Variants in RTKN observed in about 807,000 individuals in gnomAD.
The protein encoded by RTKN is rhotekin.
A neutral mutation model predicts 63.5 loss-of-function variants in RTKN; 49 were observed. The ratio of observed to expected loss-of-function variants is 0.77; its 90% CI spans 0.61 to 0.98. RTKN has a LOEUF of 0.98. Ranked by LOEUF, RTKN falls within the 50% of genes least tolerant of loss-of-function variation. RTKN has a pLI of 0.00. For missense variants in RTKN, 685 were observed against 740.8 expected, an observed-to-expected ratio of 0.92 and a Z score of 0.87; for synonymous variants, 295 against 290.4, an observed-to-expected ratio of 1.02 and a Z score of -0.16.
chr2:74,438,921 T>A (rs533232572), intron 1 of RTKN, among the ~76,000 whole-genome samples: 1 of 152,368 alleles, frequency 6.6e-6, no homozygotes, highest in East Asian at 1.9e-4. Context: ...AACTTTCTTG[T>A]CTTATTCACT....
At chr2:74,429,785 G>A (rs1471486454) in intron 6 of RTKN, 43 bp downstream of exon 6, 1 of 1,573,688 alleles carries the variant, frequency 6.4e-7, no homozygotes, top group Non-Finnish European at 8.7e-7. Context: ...CCTGTGGGCA[G>A]AATACAGGCA....
chr2:74,428,829 C>T lies in RTKN; in HGVS notation c.850+19G>A. The T allele has an allele frequency of 6.2e-7, 1 of 1,606,176 alleles. No homozygotes were observed. Among genetic ancestry groups the T allele is most frequent in the Non-Finnish European group, 8.5e-7 (1 of 1,172,932 alleles). On this transcript the variant is annotated intron_variant, in intron 7 of 11. Transcript: ENST00000272430. ...CTCACCATCACATGTGTATGTCCCC[C>T]ATGCACACACATACTTACCATGACT... is the stretch of plus-strand genomic sequence containing the variant.
intron 1 of RTKN, among the ~76,000 whole-genome samples, chr2:74,438,095 A>C (rs1671154690): frequency 1.3e-5 from 2 of 152,118 alleles, no homozygotes; most frequent in African/African-American, 4.8e-5. Flanking sequence ...ATATCCTGCC[A>C]TTCCTGATCT....
Position 74,426,534 on chromosome 2 carries a change from G to T in RTKN, c.1401C>A (p.Ile467=), listed in dbSNP as rs75008208. 4.9e-3 allele frequency: 7,636 copies of T among 1,547,190 alleles called. 30 individuals carry two copies. Among genetic ancestry groups the T allele is most frequent in the Non-Finnish European group, 6.1e-3 (6,986 of 1,144,758 alleles). Residue 467 remains isoleucine, a synonymous_variant, in exon 12 of 12, where the codon ATC becomes ATA. Coordinates refer to ENST00000272430, the MANE Select transcript of RTKN (RefSeq NM_001015055.2). The part of the protein sequence containing the change: ...PLDDIAAVTD[I]LTQREGARLE... Reference sequence around the variant, plus strand: ...GCCTTGCGCCCTCCCGCTGGGTCAGGATGTCTGTCACCGCTGCGATGTCAT... The same window carrying T: ...GCCTTGCGCCCTCCCGCTGGGTCAGTATGTCTGTCACCGCTGCGATGTCAT...
Position 74,441,694 on chromosome 2 carries a change from C to G in RTKN, c.111+12G>C. The G allele has an allele frequency of 6.3e-7, 1 of 1,597,296 alleles. No homozygotes were observed. Among genetic ancestry groups the G allele is most frequent in the Non-Finnish European group, 8.5e-7 (1 of 1,170,160 alleles). On this transcript the variant is annotated intron_variant, in intron 1 of 11. Transcript: ENST00000272430. The stretch of plus-strand genomic sequence containing the variant: ...GCCGCGGAAGGGGAAGGCAGGGACG[C>G]GAGTCTCTCACCTCGGGCAGGTCGC...
intron 2 of RTKN, 175 bp downstream of exon 2, chr2:74,432,292 G>A (rs370995651): frequency 2.0e-5 from 15 of 736,494 alleles, no homozygotes; most frequent in Non-Finnish European, 3.2e-5. Flanking sequence ...TCACAAATGC[G>A]CCTCTGGGCA....
At chr2:74,429,714 T>C in intron 6 of RTKN, 114 bp downstream of exon 6, 1 of 1,007,102 alleles carries the variant, frequency 9.9e-7, no homozygotes, top group East Asian at 2.6e-5. Flanking sequence ...TTCATATCTG[T>C]CTGCACATCC....
intron 1 of RTKN, among the ~76,000 whole-genome samples, chr2:74,435,409 G>A (rs1249686785): frequency 1.3e-5 from 2 of 152,188 alleles, no homozygotes; most frequent in African/African-American, 4.8e-5. Flanking sequence ...TAATGGCAGG[G>A]ATGCTTATTT....
chr2:74,430,099 T>C, intron 5 of RTKN, 62 bp from the exon 6 acceptor site: 1 of 1,586,858 alleles, frequency 6.3e-7, no homozygotes, highest in Non-Finnish European at 8.6e-7. Flanking sequence ...GGGTAGGGGA[T>C]GTGGGTGAGG....
Position 74,427,239 on chromosome 2 carries a change from T to A in RTKN, c.1290A>T (p.Lys430Asn). 1.2e-6 allele frequency: 2 copies of A among 1,614,168 alleles called. No individual in the cohort carries two copies. Among genetic ancestry groups the A allele is most frequent in the Non-Finnish European group, 1.7e-6 (2 of 1,180,022 alleles). The stretch of plus-strand genomic sequence containing the variant: ...GTTTCCGGGGAGCAGGAGTTTCAAT[T>A]TTCATGATTTCATCACAGCACTGCT... ...QWKQCCDEIM[K>N]IETPAPRKPP... Residue 430 changes from lysine to asparagine, a missense_variant, in exon 11 of 12, where the codon AAA becomes AAT. By Grantham distance (94) the Lys-to-Asn change is moderately conservative. Transcript: ENST00000272430.
intron 6 of RTKN, 66 bp downstream of exon 6, chr2:74,429,762 A>T: frequency 6.8e-7 from 1 of 1,463,634 alleles, no homozygotes; most frequent in Non-Finnish European, 9.5e-7. Context: ...CACTCAACAC[A>T]GTTCAAAGGT....
rs781348240 is a variant in RTKN at position 74,428,702 on chromosome 2, C to A, written c.886G>T (p.Val296Leu). ...GGCTGAGCTGCCAGACGGCAACACA[C>A]GCTACCATAAAGGGGCAGCCAGGCA... ...NPAWLPLYGS[V>L]CCRLAAQPLC... is the part of the protein sequence containing the mutation. Residue 296 changes from valine (V) to leucine (L), a missense_variant, in exon 8 of 12, where the codon GTG becomes TTG. By Grantham distance (32) the Val-to-Leu change is conservative. Transcript: ENST00000272430. 2 of 1,613,992 alleles carry A rather than the reference C, an allele frequency of 1.2e-6. No homozygotes were observed. The highest frequency in any genetic ancestry group is 1.7e-6 in the Non-Finnish European group (2 of 1,179,958).
At chr2:74,430,168 A>T in intron 5 of RTKN, 84 bp downstream of exon 5, 1 of 1,526,444 alleles carries the variant, frequency 6.6e-7, no homozygotes, top group Non-Finnish European at 9.1e-7. Flanking sequence ...CCCTGCCCCC[A>T]TCCCAGCTTC....
Position 74,427,284 on chromosome 2 carries a change from A to G in RTKN, c.1256-11T>C, listed in dbSNP as rs200885542. On this transcript the variant is annotated splice_polypyrimidine_tract_variant and intron_variant, in intron 10 of 11. Transcript: ENST00000272430. ...ACTGCTTCCATTGGCCTGGAAGAAG[A>G]GCGCTGATTAAAAGAGAGAGCCAGG... 1.4e-5 allele frequency: 23 copies of G among 1,613,438 alleles called. No homozygotes were observed. In the East Asian group the frequency reaches 4.2e-4, roughly 30 times the overall value.
In RTKN at chr2:74,428,400, C is replaced by G. The variant is rs781511390; in HGVS notation, c.958-4G>C. ...AGTTCTGCATCTCCCCAGCTTGCTG[C>G]ACAAATGACTCAACATTTTCTGGGG... On this transcript the variant is annotated splice_polypyrimidine_tract_variant and splice_region_variant and intron_variant, in intron 8 of 11. Coordinates refer to ENST00000272430, the MANE Select transcript of RTKN (RefSeq NM_001015055.2). 1 of 1,614,050 alleles carries G rather than the reference C, an allele frequency of 6.2e-7. No individual in the cohort carries two copies. The highest frequency in any genetic ancestry group is 1.3e-5 in the African/African-American group (1 of 74,894).
chr2:74,430,620 G>T lies in RTKN; in HGVS notation c.369C>A (p.Ile123=). Residue 123 remains isoleucine, a synonymous_variant, in exon 3 of 12, where the codon ATC becomes ATA. Transcript: ENST00000272430. ...TGGGGTAGCTGTGCTTCTTACCAGA[G>T]ATGCAGACCCGGCCGCGGCAGGGGG... is the stretch of plus-strand genomic sequence containing the variant. ...ERSPCRGRVC[I]SDLRIPLMWK... 1 of 1,614,086 alleles carries T rather than the reference G, an allele frequency of 6.2e-7. No homozygotes were observed. Among genetic ancestry groups the T allele is most frequent in the Non-Finnish European group, 8.5e-7 (1 of 1,180,010 alleles).
chr2:74,426,808 G>T (rs1670421704), intron 11 of RTKN: 2 of 1,351,876 alleles, frequency 1.5e-6, no homozygotes, highest in African/African-American at 3.0e-5. Flanking sequence ...GGGGAGGAGT[G>T]GGGAGCAGAG....
chr2:74,428,499 T>C, intron 8 of RTKN, 103 bp from the exon 9 acceptor site: 20 of 1,592,444 alleles, frequency 1.3e-5, no homozygotes, highest in Non-Finnish European at 1.7e-5. Context: ...CTGCTGTCCA[T>C]TCCTCCCCTC....
chr2:74,437,004 A>C (rs994783836), intron 1 of RTKN, among the ~76,000 whole-genome samples: 2 of 152,100 alleles, frequency 1.3e-5, no homozygotes, highest in Non-Finnish European at 2.9e-5. Flanking sequence ...TGGGCCCCAC[A>C]CACATTAGGC....
Sources: allele counts gnomAD v4.1 joint callset (sites outside exome capture counted in the v4.1 genomes callset), GRCh38; gene constraint gnomAD v4.1.1; transcripts MANE v1.5; gene names NCBI Gene and HGNC (gene_info 2026-07-23, HGNC 2026-07-21).